Variants in SETD1A observed in about 807,000 individuals in gnomAD.
SETD1A encodes SET domain containing 1A, histone lysine methyltransferase.
A neutral mutation model predicts 149.9 loss-of-function variants in SETD1A; 29 were observed. The observed-to-expected ratio is 0.19, with a 90% CI of 0.14 to 0.26. The LOEUF (loss-of-function observed/expected upper bound fraction) is 0.26. Among genes scored for constraint, SETD1A ranks in the 10% least tolerant of loss-of-function variants. The pLI is 1.00. For synonymous variants in SETD1A, 1,141 were observed against 968.5 expected, an observed-to-expected ratio of 1.18 and a Z score of -3.31; for missense variants, 2,109 against 2,353.1, an observed-to-expected ratio of 0.90 and a Z score of 2.15.
intron 17 of SETD1A, among the ~76,000 whole-genome samples, chr16:30,981,632 C>T (rs1032382415): frequency 6.6e-6 from 1 of 152,216 alleles, no homozygotes; most frequent in Non-Finnish European, 1.5e-5. Flanking sequence ...CTTGGCCACT[C>T]ACAAGTGCTG....
At chr16:30,966,604 A>G (rs1401183256) in intron 8 of SETD1A, among the ~76,000 whole-genome samples, 1 of 152,230 alleles carries the variant, frequency 6.6e-6, no homozygotes, top group Admixed American at 6.5e-5. Context: ...TCCTGGCTCC[A>G]TTCCTTGCTG....
rs1170888221 is a variant in SETD1A, at chr16:30,967,190, G to A, written c.2682+130G>A. On this transcript the variant is annotated intron_variant, in intron 9 of 18. Coordinates refer to ENST00000262519, the MANE Select transcript of SETD1A (RefSeq NM_014712.3). The stretch of plus-strand genomic sequence containing the variant: ...TTTTTTTGAGATGGAGTCTTACTCT[G>A]TTGCCCAGGCTGGAGTGCAGTGGCC... The A allele has an allele frequency of 4.3e-5, 31 of 715,062 alleles. No homozygotes were observed. In the East Asian group the frequency reaches 8.0e-4, roughly 18 times the overall value. 44.3% of individuals were successfully genotyped at this position (715,062 alleles called of 1,614,324 possible). A position where few individuals can be genotyped will look rare whatever the true frequency, so the allele number is the denominator to read the frequency against.
chr16:30,977,762 G>A (rs1213000839), intron 13 of SETD1A, among the ~76,000 whole-genome samples: 1 of 152,242 alleles, frequency 6.6e-6, no homozygotes, highest in Non-Finnish European at 1.5e-5. Context: ...CAGGGCGCCA[G>A]GGTTGGGAGT....
intron 12 of SETD1A, among the ~76,000 whole-genome samples, chr16:30,970,868 G>C (rs974120813): frequency 2.6e-5 from 4 of 152,188 alleles, no homozygotes; most frequent in African/African-American, 4.8e-5. Context: ...CTCAAAAACT[G>C]TGAAATTCTT....
intron 9 of SETD1A, 98 bp from the exon 10 acceptor site, chr16:30,967,403 C>T: frequency 4.6e-6 from 5 of 1,076,960 alleles, no homozygotes; most frequent in South Asian, 1.3e-5. Context: ...ATCTACCTGC[C>T]TTGGCCTCCC....
chr16:30,977,808 C>G (rs559684675), intron 13 of SETD1A, among the ~76,000 whole-genome samples: 3 of 152,180 alleles, frequency 2.0e-5, no homozygotes, highest in Non-Finnish European at 1.5e-5. Flanking sequence ...CTCCTAGGGC[C>G]GGGCCTGGTG....
intron 3 of SETD1A, 53 bp downstream of exon 3, chr16:30,959,239 G>A (rs889533037): frequency 1.7e-6 from 2 of 1,146,784 alleles, no homozygotes; most frequent in African/African-American, 3.0e-5. Context: ...TGTGGAGGAT[G>A]CGTCTTGGCA....
chr16:30,983,930 C>T lies in SETD1A; in HGVS notation c.5031C>T (p.Asp1677=), dbSNP rs757971277. Residue 1677 remains aspartate (D), a synonymous_variant, in exon 19 of 19, where the codon GAC becomes GAT. Coordinates refer to ENST00000262519, the MANE Select transcript of SETD1A (RefSeq NM_014712.3). The surrounding 1 kb of genome is among the most constrained non-coding windows in gnomAD (Gnocchi z 6.8). The part of the protein sequence containing the change: ...VIYSKQPIGV[D]EEITYDYKFP... ...ACTCCAAGCAGCCCATTGGCGTGGA[C>T]GAGGAGATCACCTACGACTACAAGT... is the stretch of plus-strand genomic sequence containing the variant. 1.9e-5 allele frequency: 30 copies of T among 1,613,800 alleles called. No homozygotes were observed. The highest frequency in any genetic ancestry group is 8.0e-5 in the African/African-American group (6 of 74,938).
chr16:30,967,232 C>T (rs1350965191), intron 9 of SETD1A, among the ~76,000 whole-genome samples, 172 bp downstream of exon 9: 2 of 152,144 alleles, frequency 1.3e-5, no homozygotes, highest in African/African-American at 4.8e-5. Flanking sequence ...CAGCTCACTG[C>T]AACCTCCGCC....
rs1385500828 is a variant in SETD1A, at chr16:30,984,068, T to C, written c.*45T>C. The stretch of plus-strand genomic sequence containing the variant: ...CCACACCCCTATTTATTCCCCCTGG[T>C]GCCCTGAGCTCCCAGCACCCCCCCA... On this transcript the variant is annotated 3_prime_UTR_variant, in exon 19 of 19. Transcript: ENST00000262519. 1.9e-6 allele frequency: 3 copies of C among 1,551,982 alleles called. No homozygotes were observed. The highest frequency in any genetic ancestry group is 3.5e-5 in the Admixed American group (2 of 56,354).
rs535578359 is a variant in SETD1A at position 30,964,919 on chromosome 16, C to T, written c.1177C>T (p.Pro393Ser). ...ACGCCGGGCCACACGGGAGGAACCC[C>T]CTGGAGCCCCTTTTGCTGAAAATAC... ...PPRRATREEP[P>S]GAPFAENTAE... Residue 393 changes from proline (P) to serine (S), a missense_variant, in exon 7 of 19, where the codon CCT becomes TCT. This residue lies in a region of SETD1A where 410 missense variants were observed against 394.8 expected (regional missense o/e 1.04). Transcript: ENST00000262519. 6.8e-6 allele frequency: 11 copies of T among 1,614,108 alleles called. No homozygotes were observed. The African/African-American group carries it at 1.3e-4, about 20-fold the overall frequency.
At position 30,966,967 on chromosome 16, in the gene SETD1A, C is replaced by G; in HGVS notation, c.2589C>G (p.Leu863=). The G allele has an allele frequency of 3.1e-6, 5 of 1,588,554 alleles. No homozygotes were observed. The highest frequency in any genetic ancestry group is 3.4e-6 in the Non-Finnish European group (4 of 1,168,028). The change falls in exon 9 of 19, where the codon CTC becomes CTG. Residue 863 remains leucine (L), a synonymous_variant. Transcript: ENST00000262519. ...TGAAGGAGCCTGGCCTGCTGTCCCT[C>G]GTGGACTGGGCCAAGAGCGGGGGCA... is the stretch of plus-strand genomic sequence containing the variant. ...TKLKEPGLLS[L]VDWAKSGGTT...
intron 17 of SETD1A, 66 bp downstream of exon 17, chr16:30,981,246 C>G: frequency 1.3e-6 from 2 of 1,593,602 alleles, no homozygotes; most frequent in South Asian, 1.1e-5. Flanking sequence ...GGCTCACACA[C>G]ATGCTGTTTG....
intron 13 of SETD1A, among the ~76,000 whole-genome samples, chr16:30,973,736 T>C (rs1490261214): frequency 6.6e-6 from 1 of 152,078 alleles, no homozygotes; most frequent in African/African-American, 2.4e-5. Flanking sequence ...TGGTCTGAGA[T>C]AGGCAGTGCC....
At chr16:30,981,878 G>A (rs2056382820) in intron 17 of SETD1A, among the ~76,000 whole-genome samples, 1 of 152,192 alleles carries the variant, frequency 6.6e-6, no homozygotes. Context: ...TCGAGACCAC[G>A]AGGTGGAGGC....
At position 30,965,356 on chromosome 16, in the gene SETD1A, C is replaced by T. The variant is rs1340742675; in HGVS notation, c.1614C>T (p.Pro538=). The T allele has an allele frequency of 6.2e-7, 1 of 1,613,012 alleles. No homozygotes were observed. Among genetic ancestry groups the T allele is most frequent in the East Asian group, 2.2e-5 (1 of 44,830 alleles). Residue 538 remains proline (P), a synonymous_variant, in exon 7 of 19, where the codon CCC becomes CCT. Transcript: ENST00000262519. The part of the protein sequence containing the change: ...SEVPSGSGHG[P]CTPPPAPANF... ...TGCCTTCTGGGTCAGGGCATGGGCC[C>T]TGCACACCCCCTCCGGCCCCAGCTA...
intron 13 of SETD1A, among the ~76,000 whole-genome samples, chr16:30,977,756 G>T (rs1021689150): frequency 6.6e-6 from 1 of 152,220 alleles, no homozygotes; most frequent in Non-Finnish European, 1.5e-5. Flanking sequence ...CTGGCTCAGG[G>T]CGCCAGGGTT....
chr16:30,963,401 C>G (rs1246066022), intron 4 of SETD1A, 32 bp from the exon 5 acceptor site: 11 of 1,572,416 alleles, frequency 7.0e-6, no homozygotes, highest in South Asian at 1.2e-5. Context: ...GTATCTCCAT[C>G]TGACAATTGG....
Position 30,979,732 on chromosome 16 carries a change from C to T in SETD1A, c.3946C>T (p.Arg1316Trp), listed in dbSNP as rs1288928393. Residue 1316 changes from arginine (R) to tryptophan (W), a missense_variant, in exon 14 of 19, where the codon CGG (arginine) becomes TGG (tryptophan). Physicochemically the swap from Arg to Trp is moderately radical, Grantham distance 101 (BLOSUM62 -3). Transcript: ENST00000262519. ...GCCCACGCCCCCTGCGCCAGCCCTG[C>T]GGCCCCCGGAGCCAGTGCCCGCACC... Reference protein sequence around the residue: ...VKPTPPAPALRPPEPVPAPAA... With the variant: ...VKPTPPAPALWPPEPVPAPAA... 2.1e-5 allele frequency: 34 copies of T among 1,599,068 alleles called. No individual in the cohort carries two copies. The highest frequency in any genetic ancestry group is 3.3e-4 in the Middle Eastern group (2 of 6,072).
Sources: allele counts gnomAD v4.1 joint callset (sites outside exome capture counted in the v4.1 genomes callset), GRCh38; gene constraint gnomAD v4.1.1; regional missense constraint gnomAD v4.1.1; non-coding constraint Gnocchi (gnomAD v3.1); transcripts MANE v1.5; gene names NCBI Gene and HGNC (gene_info 2026-07-23, HGNC 2026-07-21).